Variants in PRKCQ observed in about 807,000 individuals in gnomAD.
The protein encoded by PRKCQ is protein kinase C theta type.
A neutral mutation model predicts 91.2 loss-of-function variants in PRKCQ; 41 were observed. That is an observed-to-expected ratio of 0.45 (90% CI 0.35 to 0.58). The LOEUF is 0.58. Ranked by LOEUF, PRKCQ falls within the 20% of genes least tolerant of loss-of-function variation. The pLI is 0.00. For missense variants in PRKCQ, 673 were observed against 896.5 expected, an observed-to-expected ratio of 0.75 and a Z score of 3.18; for synonymous variants, 307 against 316.9, an observed-to-expected ratio of 0.97 and a Z score of 0.33.
chr10:6,434,526 G>A (rs1564290782), intron 16 of PRKCQ, among the ~76,000 whole-genome samples: 1 of 152,230 alleles, frequency 6.6e-6, no homozygotes, highest in Non-Finnish European at 1.5e-5. Flanking sequence ...TCCTGAGGAT[G>A]ACAGGTGACC....
rs562465240 is a variant in PRKCQ, at chr10:6,453,510, G to T, written c.1647+3164C>A. Among the ~76,000 whole-genome samples the T allele has an allele frequency of 7.9e-5, 12 of 152,318 alleles. No homozygotes were observed. In the East Asian group the frequency reaches 2.3e-3, roughly 29 times the overall value. On this transcript the variant is annotated intron_variant, in intron 15 of 17. Coordinates refer to ENST00000263125, the MANE Select transcript of PRKCQ (RefSeq NM_006257.5). The stretch of plus-strand genomic sequence containing the variant: ...GTTCAACCATTGTGGAAGTCAGTGT[G>T]GCGATTCCTCAGGGATCTAGAACTA...
chr10:6,563,717 C>A (rs1267452615), intron 1 of PRKCQ, among the ~76,000 whole-genome samples: 1 of 152,148 alleles, frequency 6.6e-6, no homozygotes, highest in African/African-American at 2.4e-5. Context: ...TGTCATTTAC[C>A]TATACTGAGC....
intron 1 of PRKCQ, among the ~76,000 whole-genome samples, chr10:6,530,790 C>T (rs1839364794): frequency 6.6e-6 from 1 of 152,194 alleles, no homozygotes; most frequent in South Asian, 2.1e-4. Context: ...TTAGGTAATA[C>T]TTAGGTTCCT....
chr10:6,399,929 G>A, the PRKCQ span, among the ~76,000 whole-genome samples: 3 of 152,132 alleles, frequency 2.0e-5, no homozygotes, highest in African/African-American at 7.2e-5. Flanking sequence ...TCAATCGGGG[G>A]TTGGGGGGGC....
chr10:6,571,023 C>T (rs190738800), intron 1 of PRKCQ, among the ~76,000 whole-genome samples: 159 of 152,138 alleles, frequency 1.0e-3, no homozygotes, highest in African/African-American at 3.4e-3. Context: ...TGCGAGGGGA[C>T]GGCGGAGGCA....
intron 4 of PRKCQ, among the ~76,000 whole-genome samples, chr10:6,502,073 C>T (rs953374797): frequency 6.6e-6 from 1 of 152,114 alleles, no homozygotes; most frequent in African/African-American, 2.4e-5. Context: ...GCATGCCTCA[C>T]CAGAAACTTG....
chr10:6,411,667 G>C, the PRKCQ span, among the ~76,000 whole-genome samples: 1 of 152,212 alleles, frequency 6.6e-6, no homozygotes, highest in East Asian at 1.9e-4. Context: ...GCAGGGTTGA[G>C]TAGTTGCAAC....
chr10:6,397,338 G>A, the PRKCQ span, among the ~76,000 whole-genome samples: 2 of 152,070 alleles, frequency 1.3e-5, no homozygotes, highest in South Asian at 2.1e-4. Context: ...CAGGCAATCC[G>A]CCCTCTTGGC....
chr10:6,400,064 A>G, the PRKCQ span, among the ~76,000 whole-genome samples: 1 of 152,218 alleles, frequency 6.6e-6, no homozygotes, highest in African/African-American at 2.4e-5. Flanking sequence ...AAGAGAAGGC[A>G]GAGTCCAGGT....
chr10:6,400,865 GA>G, the PRKCQ span, among the ~76,000 whole-genome samples: 1 of 152,078 alleles, frequency 6.6e-6, no homozygotes, highest in East Asian at 1.9e-4. Flanking sequence ...GCAGAAGAAA[GA>G]AAGAAAAAAT....
intron 1 of PRKCQ, among the ~76,000 whole-genome samples, chr10:6,537,735 T>C (rs1255722971): frequency 6.6e-6 from 1 of 152,208 alleles, no homozygotes; most frequent in East Asian, 1.9e-4. Context: ...CCGATCTTAT[T>C]CATCTGACAC....
At chr10:6,542,218 C>T (rs1839802093) in intron 1 of PRKCQ, among the ~76,000 whole-genome samples, 1 of 152,226 alleles carries the variant, frequency 6.6e-6, no homozygotes, top group East Asian at 1.9e-4. Flanking sequence ...AAATGAGGGC[C>T]TAGAGATTAC....
chr10:6,448,992 G>A (rs1389341637), intron 15 of PRKCQ, among the ~76,000 whole-genome samples: 6 of 152,166 alleles, frequency 3.9e-5, no homozygotes, highest in East Asian at 1.9e-4. Context: ...AAAAAACAGA[G>A]CAGAAAAACT....
At chr10:6,573,837 C>G (rs1841129279) in intron 1 of PRKCQ, among the ~76,000 whole-genome samples, 1 of 152,210 alleles carries the variant, frequency 6.6e-6, no homozygotes, top group Non-Finnish European at 1.5e-5. Flanking sequence ...AAGAGCTAGG[C>G]CAGGTGTGGT....
At chr10:6,485,880 G>A (rs184887412) in intron 9 of PRKCQ, among the ~76,000 whole-genome samples, 155 bp downstream of exon 9, 1 of 152,352 alleles carries the variant, frequency 6.6e-6, no homozygotes, top group East Asian at 1.9e-4. Context: ...AAGATAGGGG[G>A]TGTGGGCATG....
intron 7 of PRKCQ, among the ~76,000 whole-genome samples, chr10:6,495,054 T>C (rs1478812905): frequency 6.6e-6 from 1 of 152,150 alleles, no homozygotes; most frequent in Non-Finnish European, 1.5e-5. Context: ...TTTTGGCAAA[T>C]CCAGTCATTT....
At chr10:6,491,571 G>A (rs989549762) in intron 8 of PRKCQ, 112 bp downstream of exon 8, 11 of 1,408,618 alleles carry the variant, frequency 7.8e-6, no homozygotes, top group African/African-American at 7.2e-5. Context: ...GACTTGTCTG[G>A]GCTGGGTGTG....
chr10:6,498,265 G>A, intron 5 of PRKCQ, 131 bp downstream of exon 5: 2 of 1,203,152 alleles, frequency 1.7e-6, no homozygotes, highest in South Asian at 2.9e-5. Flanking sequence ...TTCAGGCAAG[G>A]TCCCTGACAA....
rs1324394337 is a variant in PRKCQ at position 6,427,379 on chromosome 10, T to G, written c.*828A>C. The G allele has an allele frequency of 6.6e-6, 1 of 152,192 alleles. No homozygotes were observed. The highest frequency in any genetic ancestry group is 1.5e-5 in the Non-Finnish European group (1 of 68,056). 9.4% of individuals were successfully genotyped at this position (152,192 alleles called of 1,614,324 possible). A position where few individuals can be genotyped will look rare whatever the true frequency, so the allele number is the denominator to read the frequency against. ...TCATGGCACGAGAAGGGGTTAAGGT[T>G]CTTTTCCCAGGAGACTTATGCACTT... On this transcript the variant is annotated 3_prime_UTR_variant, in exon 18 of 18. Transcript: ENST00000263125.
Sources: allele counts gnomAD v4.1 joint callset (sites outside exome capture counted in the v4.1 genomes callset), GRCh38; gene constraint gnomAD v4.1.1; transcripts MANE v1.5; gene names NCBI Gene and HGNC (gene_info 2026-07-23, HGNC 2026-07-21).